Variants in TGFA observed in about 807,000 individuals in gnomAD.
The protein encoded by TGFA is protransforming growth factor alpha.
In TGFA, 12 loss-of-function variants were observed where a neutral mutation model predicts 21.7. The ratio of observed to expected loss-of-function variants is 0.55; its 90% CI spans 0.35 to 0.90. The LOEUF is 0.90. Ranked by LOEUF, TGFA falls within the 40% of genes least tolerant of loss-of-function variation. TGFA has a pLI of 0.01. For synonymous variants in TGFA, 79 were observed against 88.1 expected (o/e 0.90, Z 0.58); for missense variants, 178 against 210.8 (o/e 0.84, Z 0.96).
intron 2 of TGFA, among the ~76,000 whole-genome samples, chr2:70,469,588 C>T (rs112901474): frequency 0.013 from 1,904 of 152,280 alleles, 55 homozygotes; most frequent in African/African-American, 0.044. Flanking sequence ...CTGCCTACCT[C>T]GGCCTCCCAA....
chr2:70,504,741 AAG>A (rs1671869885), intron 2 of TGFA, among the ~76,000 whole-genome samples: 1 of 151,980 alleles, frequency 6.6e-6, no homozygotes, highest in Non-Finnish European at 1.5e-5. Context: ...GGGGAAGAAA[AAG>A]AGTCACACAG....
At chr2:70,529,588 T>C (rs534608488) in intron 1 of TGFA, among the ~76,000 whole-genome samples, 19 of 146,592 alleles carry the variant, frequency 1.3e-4, no homozygotes, top group South Asian at 4.5e-4. Flanking sequence ...GAGGAGTGAA[T>C]CCCCCCGCCC....
At chr2:70,553,615 T>A in intron 1 of TGFA, 113 bp downstream of exon 1, 1 of 1,313,424 alleles carries the variant, frequency 7.6e-7, no homozygotes, top group African/African-American at 1.5e-5. Flanking sequence ...GACTACTCGC[T>A]TCTCTCCACT....
At chr2:70,480,529 C>T (rs781986942) in intron 2 of TGFA, among the ~76,000 whole-genome samples, 1 of 151,934 alleles carries the variant, frequency 6.6e-6, no homozygotes, top group Admixed American at 6.6e-5. Context: ...GAGGAGTAAA[C>T]GTGGTATGCT....
At chr2:70,519,404 C>T (rs1672382714) in intron 1 of TGFA, among the ~76,000 whole-genome samples, 1 of 152,190 alleles carries the variant, frequency 6.6e-6, no homozygotes, top group African/African-American at 2.4e-5. Flanking sequence ...GCAAGCATGG[C>T]AGGATTTTAA....
intron 1 of TGFA, chr2:70,553,360 G>A: frequency 1.3e-5 from 19 of 1,467,602 alleles, no homozygotes; most frequent in Non-Finnish European, 1.4e-5. Flanking sequence ...ACACGCCAGC[G>A]ACGCCGGCTG....
intron 1 of TGFA, chr2:70,553,157 T>G: frequency 6.5e-7 from 1 of 1,535,504 alleles, no homozygotes; most frequent in Non-Finnish European, 8.7e-7. Context: ...AAGGAACCAT[T>G]AATCCGCCCA....
intron 2 of TGFA, among the ~76,000 whole-genome samples, chr2:70,471,472 C>G (rs192769582): frequency 6.6e-6 from 1 of 152,356 alleles, no homozygotes; most frequent in African/African-American, 2.4e-5. Context: ...GCCTCGTGAG[C>G]TGATGTGCTT....
intron 2 of TGFA, among the ~76,000 whole-genome samples, chr2:70,510,331 G>A (rs1422285489): frequency 1.3e-5 from 2 of 152,028 alleles, no homozygotes; most frequent in East Asian, 3.8e-4. Flanking sequence ...CCCTACCTTG[G>A]GCCTATGACA....
At chr2:70,490,170 G>A (rs1553497342) in intron 2 of TGFA, among the ~76,000 whole-genome samples, 1 of 152,140 alleles carries the variant, frequency 6.6e-6, no homozygotes, top group East Asian at 1.9e-4. Context: ...TAGAATCATA[G>A]AAAGTTTATA....
At chr2:70,482,730 T>C (rs1232035595) in intron 2 of TGFA, among the ~76,000 whole-genome samples, 11 of 152,136 alleles carry the variant, frequency 7.2e-5, no homozygotes, top group African/African-American at 2.7e-4. Flanking sequence ...TTTTTTTCTC[T>C]TGAGTCTTTA....
chr2:70,457,331 T>G (rs1467057045), intron 3 of TGFA, among the ~76,000 whole-genome samples: 2 of 152,152 alleles, frequency 1.3e-5, no homozygotes, highest in East Asian at 3.9e-4. Flanking sequence ...TGCTTCGGGA[T>G]GTGCCCTGGC....
At chr2:70,520,478 C>T (rs1553502102) in intron 1 of TGFA, among the ~76,000 whole-genome samples, 1 of 151,540 alleles carries the variant, frequency 6.6e-6, no homozygotes, top group Non-Finnish European at 1.5e-5. Flanking sequence ...TGTGCCACTG[C>T]ACTCCAGCCT....
At chr2:70,545,475 T>C (rs1673273383) in intron 1 of TGFA, among the ~76,000 whole-genome samples, 1 of 152,078 alleles carries the variant, frequency 6.6e-6, no homozygotes, top group African/African-American at 2.4e-5. Flanking sequence ...TGTCATATGA[T>C]GAAAATGGAA....
chr2:70,547,113 C>T (rs372108188), intron 1 of TGFA, among the ~76,000 whole-genome samples: 18 of 152,174 alleles, frequency 1.2e-4, no homozygotes, highest in African/African-American at 4.1e-4. Flanking sequence ...GTAGCTATTG[C>T]CACGCTGACT....
At chr2:70,525,816 T>C (rs1035243608) in intron 1 of TGFA, among the ~76,000 whole-genome samples, 1 of 152,074 alleles carries the variant, frequency 6.6e-6, no homozygotes, top group African/African-American at 2.4e-5. Flanking sequence ...TGAGAACCTG[T>C]GGTGGGAGGT....
intron 1 of TGFA, among the ~76,000 whole-genome samples, chr2:70,532,933 TCA>T (rs1672857662): frequency 6.6e-6 from 1 of 151,656 alleles, no homozygotes; most frequent in African/African-American, 2.4e-5. Context: ...CAATCACTGC[TCA>T]CTGCAGCCTC....
chr2:70,553,508 C>T, intron 1 of TGFA: 1 of 1,381,390 alleles, frequency 7.2e-7, no homozygotes, highest in Non-Finnish European at 9.3e-7. Context: ...ACGGCCCAGG[C>T]AGCCACTTTC....
At chr2:70,459,376 T>C (rs528110131) in intron 3 of TGFA, among the ~76,000 whole-genome samples, 1 of 152,332 alleles carries the variant, frequency 6.6e-6, no homozygotes, top group Non-Finnish European at 1.5e-5. Context: ...TTGCGACTAT[T>C]ATTTACCTTG....
Sources: allele counts gnomAD v4.1 joint callset (sites outside exome capture counted in the v4.1 genomes callset), GRCh38; gene constraint gnomAD v4.1.1; transcripts MANE v1.5; gene names NCBI Gene and HGNC (gene_info 2026-07-23, HGNC 2026-07-21).